The following TDRD9 variants were observed in gnomAD, a reference collection of about 807,000 sequenced individuals.
TDRD9 encodes ATP-dependent RNA helicase TDRD9.
A neutral mutation model predicts 172.6 loss-of-function variants in TDRD9; 124 were observed. That is an observed-to-expected ratio of 0.72 (90% CI 0.62 to 0.83). The LOEUF (loss-of-function observed/expected upper bound fraction) is 0.83. Ranked by LOEUF, TDRD9 falls within the 40% of genes least tolerant of loss-of-function variation. The probability of loss-of-function intolerance (pLI) is 0.00; values close to 1 mark genes in which losing one functional copy is unlikely to be tolerated. For missense variants in TDRD9, 1,479 were observed against 1,714.1 expected (o/e 0.86, Z 2.42); for synonymous variants, 619 against 617.1 (o/e 1.00, Z -0.05).
At chr14:103,991,322 G>A in intron 9 of TDRD9, 98 bp downstream of exon 9, 1 of 1,276,198 alleles carries the variant, frequency 7.8e-7, no homozygotes, top group South Asian at 1.3e-5. Context: ...ATTCTCCATA[G>A]GACTTTATTC....
chr14:103,948,208 G>A (rs1377025561), intron 1 of TDRD9, among the ~76,000 whole-genome samples: 1 of 151,744 alleles, frequency 6.6e-6, no homozygotes, highest in African/African-American at 2.4e-5. Flanking sequence ...GTAGAGACAG[G>A]GTCTTACTAT....
intron 6 of TDRD9, among the ~76,000 whole-genome samples, chr14:103,973,991 A>G (rs1352804569): frequency 6.6e-6 from 1 of 152,190 alleles, no homozygotes; most frequent in East Asian, 1.9e-4. Context: ...TGAGCTCACA[A>G]GTGTGAGACT....
chr14:103,950,725 C>T (rs7145829), intron 1 of TDRD9, among the ~76,000 whole-genome samples: 143,769 of 152,254 alleles, frequency 0.94, 68,422 homozygotes, highest in East Asian at 1. Flanking sequence ...TAGCAAAAAC[C>T]GCATGTGTGA....
At chr14:104,014,630 A>G in intron 20 of TDRD9, 95 bp from the exon 21 acceptor site, 1 of 687,268 alleles carries the variant, frequency 1.5e-6, no homozygotes, top group East Asian at 2.6e-5. Context: ...AGCTGTGTTT[A>G]TACTTTACCC....
At chr14:103,983,250 A>T (rs879728553) in intron 7 of TDRD9, among the ~76,000 whole-genome samples, 4 of 151,598 alleles carry the variant, frequency 2.6e-5, no homozygotes, top group Non-Finnish European at 5.9e-5. Context: ...TTTAGTAGAG[A>T]TGGGGTTTCA....
intron 20 of TDRD9, among the ~76,000 whole-genome samples, chr14:104,012,687 A>G (rs11851441): frequency 0.33 from 50,204 of 151,828 alleles, 8,469 homozygotes; most frequent in Middle Eastern, 0.37. Flanking sequence ...TTGATTTTTG[A>G]CATTCCTGTC....
At chr14:103,939,743 G>GTTTTTTGTTTTT (rs2031079298) in intron 1 of TDRD9, 1 of 17,448 alleles carries the variant, frequency 5.7e-5, no homozygotes, top group Non-Finnish European at 1.2e-4. Flanking sequence ...GAAAAAAAGT[G>GTTTTTTGTTTTT]TTTTTTTTTT....
chr14:103,989,482 T>C (rs2033792357), intron 8 of TDRD9, among the ~76,000 whole-genome samples: 1 of 152,224 alleles, frequency 6.6e-6, no homozygotes, highest in South Asian at 2.1e-4. Flanking sequence ...CAGGAAATAA[T>C]GGAAGCGAGA....
At chr14:103,932,362 G>T (rs986590667) in intron 1 of TDRD9, among the ~76,000 whole-genome samples, 5 of 152,138 alleles carry the variant, frequency 3.3e-5, no homozygotes, top group Non-Finnish European at 5.9e-5. Flanking sequence ...TGACATTAGT[G>T]AGAGAACATT....
intron 1 of TDRD9, among the ~76,000 whole-genome samples, chr14:103,945,096 T>C (rs1167417525): frequency 4.6e-5 from 7 of 152,160 alleles, no homozygotes; most frequent in South Asian, 4.1e-4. Context: ...TTATAGATGG[T>C]CATAATCTAT....
intron 7 of TDRD9, among the ~76,000 whole-genome samples, chr14:103,983,275 C>T (rs1373543430): frequency 6.6e-6 from 1 of 151,958 alleles, no homozygotes; most frequent in Non-Finnish European, 1.5e-5. Flanking sequence ...GTTGGCCAGG[C>T]TGGTCTTGAA....
intron 34 of TDRD9, 59 bp downstream of exon 34, chr14:104,042,246 G>A (rs971003332): frequency 1.5e-5 from 17 of 1,162,314 alleles, no homozygotes; most frequent in Admixed American, 3.6e-5. Context: ...CAGCTGCCTT[G>A]ATCATGGCTG....
At chr14:104,044,189 G>C (rs1272791314) in intron 34 of TDRD9, among the ~76,000 whole-genome samples, 1 of 152,170 alleles carries the variant, frequency 6.6e-6, no homozygotes, top group East Asian at 1.9e-4. Context: ...GCCTCCCTCT[G>C]TAAGTAAAGG....
intron 9 of TDRD9, among the ~76,000 whole-genome samples, chr14:103,993,769 C>G (rs1165415450): frequency 7.2e-5 from 11 of 152,190 alleles, no homozygotes; most frequent in African/African-American, 2.7e-4. Flanking sequence ...CTAATTACAT[C>G]TGCAATGACT....
intron 13 of TDRD9, among the ~76,000 whole-genome samples, chr14:104,002,863 TG>T (rs1653838489): frequency 6.6e-6 from 1 of 152,020 alleles, no homozygotes; most frequent in Admixed American, 6.6e-5. Flanking sequence ...CCCAGGTAGC[TG>T]GGACTACAGG....
chr14:103,970,448 TAGTCCCC>T, intron 5 of TDRD9, 86 bp from the exon 6 acceptor site: 2 of 849,160 alleles, frequency 2.4e-6, no homozygotes, highest in African/African-American at 1.7e-5. Context: ...AGAACTGGTT[TAGTCCCC>T]AGTCCCCCAG....
intron 5 of TDRD9, 37 bp from the exon 6 acceptor site, chr14:103,970,504 A>C: frequency 1.3e-6 from 2 of 1,483,924 alleles, no homozygotes; most frequent in Non-Finnish European, 1.8e-6. Context: ...GTGTTGCCTG[A>C]TGCCATGTGG....
intron 34 of TDRD9, among the ~76,000 whole-genome samples, chr14:104,047,825 C>T (rs530452968): frequency 6.6e-6 from 1 of 152,324 alleles, no homozygotes; most frequent in East Asian, 1.9e-4. Context: ...CCATTTCAGT[C>T]ATTGTACTTT....
intron 1 of TDRD9, among the ~76,000 whole-genome samples, chr14:103,933,473 TTCA>T (rs2030538102): frequency 6.6e-6 from 1 of 152,234 alleles, no homozygotes; most frequent in African/African-American, 2.4e-5. Context: ...TTGGGAAGCC[TTCA>T]TCATAGGAAG....
Sources: gnomAD v4.1 joint callset for allele counts (sites outside exome capture counted in the v4.1 genomes callset) on GRCh38, gnomAD v4.1.1 for gene constraint, MANE v1.5 for transcripts, NCBI Gene and HGNC (gene_info 2026-07-23, HGNC 2026-07-21) for gene names.